GRID2: variants seen among roughly 807,000 people sequenced by gnomAD.
GRID2 encodes the protein glutamate receptor ionotropic, delta-2.
Under a neutral mutation model 114.8 loss-of-function variants are expected in GRID2, and 33 were observed. The observed-to-expected ratio is 0.29, with a 90% CI of 0.22 to 0.38. The LOEUF (loss-of-function observed/expected upper bound fraction) is 0.38. GRID2 is among the 10% of genes least tolerant of loss of function. The probability of loss-of-function intolerance (pLI) is 1.00; values close to 1 mark genes in which losing one functional copy is unlikely to be tolerated. For synonymous variants in GRID2, 505 were observed against 449.9 expected (o/e 1.12, Z -1.55); for missense variants, 1,184 against 1,257.7 (o/e 0.94, Z 0.89).
chr4:92,320,458 G>A (rs955924096), intron 1 of GRID2, among the ~76,000 whole-genome samples: 4 of 151,888 alleles, frequency 2.6e-5, no homozygotes, highest in African/African-American at 7.3e-5. Flanking sequence ...AATTAATTTC[G>A]AATAATATTA....
chr4:93,600,336 C>T (rs1316307128), intron 13 of GRID2, among the ~76,000 whole-genome samples: 1 of 151,902 alleles, frequency 6.6e-6, no homozygotes, highest in Non-Finnish European at 1.5e-5. Context: ...CTGACAAAGA[C>T]CTTGTATCTC....
At chr4:93,537,337 AG>A (rs1276638827) in intron 13 of GRID2, among the ~76,000 whole-genome samples, 4 of 151,748 alleles carry the variant, frequency 2.6e-5, no homozygotes, top group Non-Finnish European at 5.9e-5. Context: ...GGTTTTTGAG[AG>A]ATATATTAAG....
chr4:92,942,852 A>G (rs1751273266), intron 2 of GRID2, among the ~76,000 whole-genome samples: 1 of 152,160 alleles, frequency 6.6e-6, no homozygotes, highest in South Asian at 2.1e-4. Context: ...TGGATATGAA[A>G]TTCTGGGTTG....
At chr4:92,638,637 A>G (rs1731190340) in intron 2 of GRID2, among the ~76,000 whole-genome samples, 1 of 150,232 alleles carries the variant, frequency 6.7e-6, no homozygotes. Context: ...AAATAGGGAA[A>G]TAAGAGTGAA....
At chr4:92,723,729 G>A (rs1735922503) in intron 2 of GRID2, among the ~76,000 whole-genome samples, 1 of 152,022 alleles carries the variant, frequency 6.6e-6, no homozygotes, top group Admixed American at 6.6e-5. Context: ...ACTTTCCCTG[G>A]TTCTGCTAAT....
At chr4:93,590,186 G>A (rs1180916111) in intron 13 of GRID2, among the ~76,000 whole-genome samples, 3 of 150,878 alleles carry the variant, frequency 2.0e-5, no homozygotes, top group South Asian at 4.2e-4. Context: ...TATGGTTTTA[G>A]GTCTAACGTT....
At chr4:92,351,493 T>C (rs1259166565) in intron 1 of GRID2, among the ~76,000 whole-genome samples, 1 of 151,820 alleles carries the variant, frequency 6.6e-6, no homozygotes. Flanking sequence ...ATATTTATCA[T>C]TTGTTTGTGT....
intron 1 of GRID2, among the ~76,000 whole-genome samples, chr4:92,348,606 A>G (rs1008949830): frequency 2.0e-5 from 3 of 152,194 alleles, no homozygotes; most frequent in African/African-American, 7.2e-5. Context: ...CTAGGTGTAA[A>G]TGAAAGAAAT....
chr4:92,972,089 AC>A (rs1753553806), intron 2 of GRID2, among the ~76,000 whole-genome samples: 1 of 151,892 alleles, frequency 6.6e-6, no homozygotes, highest in Admixed American at 6.6e-5. Flanking sequence ...GGATAGTCCT[AC>A]TTTTAGTTTT....
In GRID2 at chr4:93,482,248, G is replaced by A. The variant is rs1379064919; in HGVS notation, c.1859-8391G>A. Among the ~76,000 whole-genome samples the A allele has an allele frequency of 3.9e-5, 6 of 152,016 alleles. No individual in the cohort carries two copies. In the East Asian group the frequency reaches 9.7e-4, roughly 25 times the overall value. On this transcript the variant is annotated intron_variant, in intron 11 of 15. Coordinates refer to ENST00000282020, the MANE Select transcript of GRID2 (RefSeq NM_001510.4). The stretch of plus-strand genomic sequence containing the variant: ...AAAGACACATACACATATGGTTATC[G>A]CAGCACTATTCACAATAGCAAAGAC...
chr4:92,830,194 A>T (rs1742006605), intron 2 of GRID2, among the ~76,000 whole-genome samples: 1 of 152,064 alleles, frequency 6.6e-6, no homozygotes, highest in Admixed American at 6.6e-5. Context: ...TTCTCAAAAC[A>T]GTGTCCAGTT....
chr4:93,200,232 T>C (rs1241878949), intron 4 of GRID2, among the ~76,000 whole-genome samples: 1 of 152,160 alleles, frequency 6.6e-6, no homozygotes, highest in Non-Finnish European at 1.5e-5. Context: ...GGGATAAAAA[T>C]AATTAAAAGG....
At chr4:93,621,034 G>A (rs17356905) in intron 13 of GRID2, among the ~76,000 whole-genome samples, 14,809 of 152,172 alleles carry the variant, frequency 0.097, 865 homozygotes, top group Non-Finnish European at 0.13. Flanking sequence ...TGAGTTGTAA[G>A]CAGCTTGATG....
At chr4:93,291,785 T>G (rs1753785223) in intron 8 of GRID2, among the ~76,000 whole-genome samples, 1 of 152,190 alleles carries the variant, frequency 6.6e-6, no homozygotes, top group Non-Finnish European at 1.5e-5. Flanking sequence ...TTTTCTTTTT[T>G]CTTTTTTAAT....
intron 4 of GRID2, among the ~76,000 whole-genome samples, chr4:93,190,867 A>G (rs988079614): frequency 6.6e-6 from 1 of 152,036 alleles, no homozygotes; most frequent in Non-Finnish European, 1.5e-5. Context: ...AAGTTTAAGT[A>G]AAAGAAAGTT....
At chr4:92,896,558 A>G (rs911246415) in intron 2 of GRID2, among the ~76,000 whole-genome samples, 2 of 144,164 alleles carry the variant, frequency 1.4e-5, no homozygotes, top group Non-Finnish European at 3.1e-5. Context: ...TTATAATATT[A>G]TATATATATA....
intron 2 of GRID2, among the ~76,000 whole-genome samples, chr4:92,631,975 T>A (rs919117559): frequency 7.2e-5 from 11 of 152,188 alleles, no homozygotes; most frequent in African/African-American, 2.7e-4. Context: ...CTACAAATAA[T>A]GTCTTCACAT....
intron 1 of GRID2, among the ~76,000 whole-genome samples, chr4:92,497,999 A>G (rs1238376319): frequency 6.6e-6 from 1 of 151,892 alleles, no homozygotes; most frequent in African/African-American, 2.4e-5. Flanking sequence ...AGCATTCAGA[A>G]TATCATGAGC....
intron 14 of GRID2, among the ~76,000 whole-genome samples, chr4:93,671,833 A>C (rs1260985216): frequency 6.6e-6 from 1 of 151,754 alleles, no homozygotes; most frequent in Non-Finnish European, 1.5e-5. Context: ...AAATTTTGCC[A>C]GGCATGGTGG....
Sources: allele counts gnomAD v4.1 joint callset (sites outside exome capture counted in the v4.1 genomes callset), GRCh38; gene constraint gnomAD v4.1.1; transcripts MANE v1.5; gene names NCBI Gene and HGNC (gene_info 2026-07-23, HGNC 2026-07-21).